Variants in COL6A3 observed in about 807,000 individuals in gnomAD.
COL6A3 encodes the protein collagen alpha-3(VI) chain.
Under a neutral mutation model 274.1 loss-of-function variants are expected in COL6A3, and 137 were observed. The ratio of observed to expected loss-of-function variants is 0.50; its 90% confidence interval spans 0.44 to 0.58. The LOEUF (loss-of-function observed/expected upper bound fraction) is 0.58, where lower values mean the gene tolerates loss of function less well. Among genes scored for constraint, COL6A3 ranks in the 20% least tolerant of loss-of-function variants. The pLI is 0.00. For synonymous variants in COL6A3, 1,650 were observed against 1,650.6 expected, an observed-to-expected ratio of 1.00 and a Z score of 0.01; for missense variants, 3,950 against 4,124.9, an observed-to-expected ratio of 0.96 and a Z score of 1.16.
chr2:237,360,067 A>T (rs757101549), intron 17 of COL6A3, 21 bp downstream of exon 17: 1 of 1,613,254 alleles, frequency 6.2e-7, no homozygotes, highest in South Asian at 1.1e-5. Flanking sequence ...CACGCTAGCA[A>T]CCCCATCACC....
intron 40 of COL6A3, 109 bp from the exon 41 acceptor site, chr2:237,334,998 GA>G (rs1700460779): frequency 7.4e-7 from 1 of 1,342,536 alleles, no homozygotes; most frequent in African/African-American, 1.4e-5. Flanking sequence ...AAATTGACTT[GA>G]AATTTAGCTG....
At position 237,359,151 on chromosome 2, in the gene COL6A3, GT is replaced by G. The variant is rs1428540461; in HGVS notation, c.6354+54del. Reference sequence around the variant, plus strand: ...ATTTCTATCACAGACTGAGTTGTTAGTTTCTGGAATCTTCAGAACCAAAAGC... The same window carrying G: ...ATTTCTATCACAGACTGAGTTGTTAGTTCTGGAATCTTCAGAACCAAAAGC... On this transcript the variant is annotated intron_variant, in intron 19 of 43. Coordinates refer to ENST00000295550, the MANE Select transcript of COL6A3 (RefSeq NM_004369.4). 6.2e-6 allele frequency: 10 copies of G among 1,613,704 alleles called. No homozygotes were observed. The Admixed American group carries it at 8.3e-5, about 13-fold the overall frequency.
At position 237,346,573 on chromosome 2, in the gene COL6A3, G is replaced by T. The variant is rs776499251; in HGVS notation, c.7030-8C>A. On this transcript the variant is annotated splice_polypyrimidine_tract_variant and splice_region_variant and intron_variant, in intron 31 of 43. Coordinates refer to ENST00000295550, the MANE Select transcript of COL6A3 (RefSeq NM_004369.4). ...TGGAGGTCCCGAATTTCCCTAGAGG[G>T]AGCAGAACAAACATTGTTCAACTGT... The T allele has an allele frequency of 1.2e-6, 2 of 1,612,494 alleles. No homozygotes were observed. Among genetic ancestry groups the T allele is most frequent in the Admixed American group, 1.7e-5 (1 of 59,992 alleles).
At chr2:237,372,889 T>A (rs1282608474) in intron 8 of COL6A3, among the ~76,000 whole-genome samples, 2 of 151,660 alleles carry the variant, frequency 1.3e-5, no homozygotes, top group African/African-American at 2.4e-5. Flanking sequence ...TCCAGCACAG[T>A]GGAGAAAGGG....
rs781033908 is a variant in COL6A3 at position 237,371,976 on chromosome 2, C to T, written c.4041G>A (p.Lys1347=). Residue 1347 remains lysine, a synonymous_variant, in exon 9 of 44, where the codon AAG becomes AAA. Coordinates refer to ENST00000295550, the MANE Select transcript of COL6A3 (RefSeq NM_004369.4). This position sits in a 1 kb window ranked among gnomAD's most constrained non-coding sequence, Gnocchi z 4.3. ...PQFLVLISSG[K]SDDEVDDPAV... Reference sequence around the variant, plus strand: ...CCGGGTCGTCCACCTCATCGTCAGACTTTCCAGACGAGATGAGGACCAGGA... The same window carrying T: ...CCGGGTCGTCCACCTCATCGTCAGATTTTCCAGACGAGATGAGGACCAGGA... The T allele has an allele frequency of 2.5e-6, 4 of 1,614,156 alleles. No individual in the cohort carries two copies. Among genetic ancestry groups the T allele is most frequent in the Non-Finnish European group, 1.7e-6 (2 of 1,180,020 alleles).
chr2:237,333,176 G>A (rs1163195288), intron 42 of COL6A3: 1 of 513,364 alleles, frequency 1.9e-6, no homozygotes, highest in Non-Finnish European at 3.5e-6. Context: ...ATGAGGCACA[G>A]GAGAAATGTC....
Position 237,340,512 on chromosome 2 carries a change from T to G in COL6A3, c.8404A>C (p.Thr2802Pro). ...ATCAAAGGCTCCTCGTTGAGCTCGG[T>G]GGACTTGTCCACTAATTTGAAGAAG... ...DVFFKLVDKS[T>P]ELNEEPLMRF... The change falls in exon 38 of 44, where the codon ACC (threonine) becomes CCC (proline). Residue 2802 changes from threonine to proline, a missense_variant. By Grantham distance (38) the Thr-to-Pro change is conservative. Coordinates refer to ENST00000295550, the MANE Select transcript of COL6A3 (RefSeq NM_004369.4). 6.2e-7 allele frequency: 1 copy of G among 1,614,072 alleles called. No homozygotes were observed. The highest frequency in any genetic ancestry group is 8.5e-7 in the Non-Finnish European group (1 of 1,180,034).
chr2:237,378,219 G>A (rs1574718594), intron 6 of COL6A3, among the ~76,000 whole-genome samples: 2 of 152,192 alleles, frequency 1.3e-5, no homozygotes, highest in South Asian at 4.1e-4. Flanking sequence ...AGATACAGCA[G>A]ATGTTGAACA....
At chr2:237,356,597 C>T (rs1051451662) in intron 23 of COL6A3, among the ~76,000 whole-genome samples, 2 of 152,194 alleles carry the variant, frequency 1.3e-5, no homozygotes, top group African/African-American at 4.8e-5. Flanking sequence ...CCAGCCCCAG[C>T]TTGCAGCCTT....
At chr2:237,355,051 A>T in intron 23 of COL6A3, 117 bp from the exon 24 acceptor site, 1 of 950,004 alleles carries the variant, frequency 1.1e-6, no homozygotes, top group South Asian at 1.5e-5. Flanking sequence ...GAATCTTCCC[A>T]AGCACCCACA....
rs988119862 is a variant in COL6A3 at position 237,339,063 on chromosome 2, T to G, written c.8519A>C (p.Gln2840Pro). 1.4e-5 allele frequency: 22 copies of G among 1,614,022 alleles called. No homozygotes were observed. Among genetic ancestry groups the G allele is most frequent in the Non-Finnish European group, 3.4e-6 (4 of 1,180,002 alleles). ...PDIRKQCDWF[Q>P]GDQPTKNLVK... ...AAGGTTCTTTGTGGGTTGGTCCCCT[T>G]GGAACCAATCACACTGTTTCCTGAT... Residue 2840 changes from glutamine to proline, a missense_variant, in exon 39 of 44, where the codon CAA becomes CCA. By Grantham distance (76) the Gln-to-Pro change is moderately conservative (BLOSUM62 -1). This residue lies in a region of COL6A3 where 1,284 missense variants were observed against 1,349.7 expected (regional missense o/e 0.95). Transcript: ENST00000295550.
chr2:237,352,212 T>G lies in COL6A3; in HGVS notation c.6753+310A>C, dbSNP rs374377639. Among the ~76,000 whole-genome samples, 15 of 152,232 alleles carry G rather than the reference T, an allele frequency of 9.9e-5. No individual in the cohort carries two copies. In the South Asian group the frequency reaches 3.1e-3, roughly 32 times the overall value. ...GAAACACCTTGCAGAATCTAAGCAT[T>G]TTGGTAGATTTAGATTTTCCAGGAT... On this transcript the variant is annotated intron_variant, in intron 26 of 43. Transcript: ENST00000295550.
At chr2:237,332,634 T>G (rs1048198054) in intron 42 of COL6A3, among the ~76,000 whole-genome samples, 2 of 152,248 alleles carry the variant, frequency 1.3e-5, no homozygotes, top group Admixed American at 1.3e-4. Context: ...TGTCCCCTAG[T>G]TAGCAGAAAG....
At chr2:237,397,836 G>A (rs2078489421) in intron 1 of COL6A3, among the ~76,000 whole-genome samples, 1 of 152,178 alleles carries the variant, frequency 6.6e-6, no homozygotes, top group Non-Finnish European at 1.5e-5. Context: ...TTTGAATCTA[G>A]TGACTATTAC....
At chr2:237,405,983 C>G (rs2078709268) in intron 1 of COL6A3, among the ~76,000 whole-genome samples, 1 of 152,074 alleles carries the variant, frequency 6.6e-6, no homozygotes, top group Admixed American at 6.5e-5. Context: ...GAAACAGATT[C>G]AATAAGAGAC....
rs1316585937 is a variant in COL6A3 at position 237,388,166 on chromosome 2, ATGTCAGCAGAGTCT to A, written c.714_727del (p.Gln238HisfsTer6). 2 of 1,614,026 alleles carry A rather than the reference ATGTCAGCAGAGTCT, an allele frequency of 1.2e-6. No homozygotes were observed. The highest frequency in any genetic ancestry group is 2.2e-5 in the South Asian group (2 of 91,092). On this transcript the variant is annotated frameshift_variant, in exon 4 of 44. Coordinates refer to ENST00000295550, the MANE Select transcript of COL6A3 (RefSeq NM_004369.4). LOFTEE classifies it high-confidence loss of function. ...GTTTGATCCATCAATAAGGAAAATA[ATGTCAGCAGAGTCT>A]TGTGCTTTAAAAGAAAGAAATGCAA... is the stretch of plus-strand genomic sequence containing the variant.
At chr2:237,385,895 G>C (rs533976271) in intron 4 of COL6A3, among the ~76,000 whole-genome samples, 22 of 152,090 alleles carry the variant, frequency 1.4e-4, no homozygotes, top group Non-Finnish European at 2.1e-4. Flanking sequence ...CCAATTTTAT[G>C]GTCCCATCAA....
rs1161531757 is a variant in COL6A3, at chr2:237,365,681, C to G, written c.5838+17G>C. ...GAAATTTCCCAGGGAGCACCTGAAC[C>G]AACTGGCCCCACAGACCTTCACGCT... On this transcript the variant is annotated intron_variant, in intron 12 of 43. Transcript: ENST00000295550. 2 of 1,613,304 alleles carry G rather than the reference C, an allele frequency of 1.2e-6. No homozygotes were observed. Among genetic ancestry groups the G allele is most frequent in the Non-Finnish European group, 1.7e-6 (2 of 1,179,414 alleles).
At chr2:237,400,143 T>C (rs778703811) in intron 1 of COL6A3, among the ~76,000 whole-genome samples, 134 of 152,230 alleles carry the variant, frequency 8.8e-4, no homozygotes, top group Non-Finnish European at 1.3e-3. Context: ...GTTTTCATCA[T>C]CATTTCACTG....
Sources: gnomAD v4.1 joint callset for allele counts (sites outside exome capture counted in the v4.1 genomes callset) on GRCh38, gnomAD v4.1.1 for gene constraint, gnomAD v4.1.1 regional missense constraint, Gnocchi (gnomAD v3.1) non-coding constraint, MANE v1.5 for transcripts, NCBI Gene and HGNC (gene_info 2026-07-23, HGNC 2026-07-21) for gene names.